Variants in RGS8 observed in about 807,000 individuals in gnomAD.
The protein encoded by RGS8 is regulator of G protein signaling 8.
A neutral mutation model predicts 21.7 loss-of-function variants in RGS8; 8 were observed. The observed-to-expected ratio is 0.37, with a 90% CI of 0.22 to 0.66. The LOEUF (loss-of-function observed/expected upper bound fraction) is 0.66, where lower values mean the gene tolerates loss of function less well. Ranked by LOEUF, RGS8 falls within the 30% of genes least tolerant of loss-of-function variation. The probability of loss-of-function intolerance (pLI) is 0.59; values close to 1 mark genes in which losing one functional copy is unlikely to be tolerated. For synonymous variants in RGS8, 80 were observed against 83.6 expected (o/e 0.96, Z 0.24); for missense variants, 157 against 217.9 (o/e 0.72, Z 1.76).
the RGS8 span, among the ~76,000 whole-genome samples, chr1:182,729,215 C>G: frequency 1.3e-5 from 2 of 152,338 alleles, no homozygotes; most frequent in African/African-American, 4.8e-5. Context: ...GGTAAAAATG[C>G]TGGCTTGTGA....
chr1:182,714,600 C>G, the RGS8 span: 1 of 152,178 alleles, frequency 6.6e-6, no homozygotes, highest in African/African-American at 2.4e-5. Flanking sequence ...ATTACATCCC[C>G]ATAACACAAT....
chr1:182,735,016 A>G, the RGS8 span, among the ~76,000 whole-genome samples: 3 of 152,222 alleles, frequency 2.0e-5, no homozygotes, highest in Admixed American at 1.3e-4. Context: ...AAGTATTAAT[A>G]ATATATTTTA....
chr1:182,730,504 G>T, the RGS8 span, among the ~76,000 whole-genome samples: 1 of 152,098 alleles, frequency 6.6e-6, no homozygotes, highest in Non-Finnish European at 1.5e-5. Context: ...GAGCTCCGGA[G>T]TTCGAGACCA....
At chr1:182,708,422 C>T in the RGS8 span, among the ~76,000 whole-genome samples, 3 of 152,334 alleles carry the variant, frequency 2.0e-5, no homozygotes, top group South Asian at 6.2e-4. Context: ...CTGCAGGTCC[C>T]TGTGCTGGGA....
exon 7 of RGS8, chr1:182,646,826 T>C (rs1179103091): frequency 1.2e-6 from 2 of 1,614,128 alleles, no homozygotes; most frequent in Admixed American, 1.7e-5. Flanking sequence ...CATGAGGCTG[T>C]GTACTTTTCC....
chr1:182,669,850 C>T, intron 2 of RGS8, 98 bp from the exon 4 acceptor site: 1 of 1,314,710 alleles, frequency 7.6e-7, no homozygotes, highest in Non-Finnish European at 1.0e-6. Context: ...AACACCTCCC[C>T]ACACACATCC....
chr1:182,647,266 T>G (rs548178315), intron 6 of RGS8, among the ~76,000 whole-genome samples: 1 of 152,354 alleles, frequency 6.6e-6, no homozygotes, highest in Non-Finnish European at 1.5e-5. Context: ...AAGGGATAGA[T>G]CCAAGCCAGT....
chr1:182,699,460 A>C, the RGS8 span, among the ~76,000 whole-genome samples: 5 of 152,244 alleles, frequency 3.3e-5, no homozygotes, highest in African/African-American at 4.8e-5. Flanking sequence ...GGGGCCAAGG[A>C]AAGCAGGCCC....
chr1:182,699,597 T>C, the RGS8 span, among the ~76,000 whole-genome samples: 1 of 152,212 alleles, frequency 6.6e-6, no homozygotes, highest in Non-Finnish European at 1.5e-5. Context: ...CACAGATCCC[T>C]GTTGGAGGCT....
intron 5 of RGS8, among the ~76,000 whole-genome samples, chr1:182,653,680 C>T (rs1324353577): frequency 6.6e-6 from 1 of 151,854 alleles, no homozygotes; most frequent in Non-Finnish European, 1.5e-5. Context: ...GGCAACAGAG[C>T]CAGACTCTGT....
chr1:182,694,343 G>A, the RGS8 span, among the ~76,000 whole-genome samples: 3 of 152,184 alleles, frequency 2.0e-5, no homozygotes, highest in Non-Finnish European at 4.4e-5. Context: ...GAAGTGCTTA[G>A]TCTTGGAGAG....
chr1:182,729,940 G>T, the RGS8 span, among the ~76,000 whole-genome samples: 1 of 152,116 alleles, frequency 6.6e-6, no homozygotes, highest in Admixed American at 6.5e-5. Flanking sequence ...CATAGGCCAC[G>T]CTTGGCAGAC....
At chr1:182,653,698 A>T (rs1053298213) in intron 5 of RGS8, among the ~76,000 whole-genome samples, 3 of 152,186 alleles carry the variant, frequency 2.0e-5, no homozygotes, top group South Asian at 4.1e-4. Context: ...TGTCTCAAAA[A>T]TAAAAAAATA....
At chr1:182,689,292 CA>C (rs1557906910), upstream of RGS8, among the ~76,000 whole-genome samples, 480 of 150,500 alleles carry the variant, frequency 3.2e-3, 4 homozygotes, top group African/African-American at 0.012. Context: ...CACACACACA[CA>C]CACACACACA....
the RGS8 span, among the ~76,000 whole-genome samples, chr1:182,730,762 G>T: frequency 0.022 from 3,303 of 151,780 alleles, 134 homozygotes; most frequent in African/African-American, 0.075. Context: ...ACTCTACCTT[G>T]CAGAAAAAGT....
chr1:182,708,688 C>A, the RGS8 span, among the ~76,000 whole-genome samples: 1 of 152,348 alleles, frequency 6.6e-6, no homozygotes, highest in Admixed American at 6.5e-5. Context: ...GGCCCTCAAA[C>A]CCGGCCAAGA....
chr1:182,718,129 C>T, the RGS8 span, among the ~76,000 whole-genome samples: 1 of 152,162 alleles, frequency 6.6e-6, no homozygotes, highest in African/African-American at 2.4e-5. Context: ...GGGGCCAAAG[C>T]ACCTCTGTCC....
the RGS8 span, among the ~76,000 whole-genome samples, chr1:182,703,642 T>G: frequency 6.6e-6 from 1 of 152,192 alleles, no homozygotes; most frequent in African/African-American, 2.4e-5. Context: ...CTGTAAAAAT[T>G]GGGCCAGCAC....
At chr1:182,643,323 G>GGCCC (rs1553214908), downstream of RGS8, 11 of 31,510 alleles carry the variant, frequency 3.5e-4, no homozygotes, top group African/African-American at 1.4e-3. Context: ...CCCTCCCCCA[G>GGCCC]CCCCCCCGCC....
Sources: gnomAD v4.1 joint callset for allele counts (sites outside exome capture counted in the v4.1 genomes callset) on GRCh38, gnomAD v4.1.1 for gene constraint, MANE v1.5 for transcripts, NCBI Gene and HGNC (gene_info 2026-07-23, HGNC 2026-07-21) for gene names.